The following SPOCK1 variants were observed in gnomAD, a reference collection of about 807,000 sequenced individuals.
The protein encoded by SPOCK1 is SPARC (osteonectin), cwcv and kazal like domains proteoglycan 1.
A neutral mutation model predicts 55.3 loss-of-function variants in SPOCK1; 23 were observed. The ratio of observed to expected loss-of-function variants is 0.42; its 90% confidence interval spans 0.30 to 0.59. The LOEUF is 0.59. Among genes scored for constraint, SPOCK1 ranks in the 20% least tolerant of loss-of-function variants. The probability of loss-of-function intolerance (pLI) is 0.22; values close to 1 mark genes in which losing one functional copy is unlikely to be tolerated. For missense variants in SPOCK1, 499 were observed against 552.5 expected (o/e 0.90, Z 0.97); for synonymous variants, 226 against 221.0 (o/e 1.02, Z -0.20).
intron 3 of SPOCK1, among the ~76,000 whole-genome samples, chr5:137,150,244 A>G (rs1208204905): frequency 1.3e-5 from 2 of 152,148 alleles, no homozygotes; most frequent in East Asian, 3.9e-4. Context: ...CTGACTAACC[A>G]CATCCACACC....
At chr5:137,493,994 G>A (rs1754245632) in intron 2 of SPOCK1, among the ~76,000 whole-genome samples, 1 of 152,148 alleles carries the variant, frequency 6.6e-6, no homozygotes, top group Non-Finnish European at 1.5e-5. Context: ...ACAGAAGTTG[G>A]TCCTTGTGCT....
intron 4 of SPOCK1, among the ~76,000 whole-genome samples, chr5:137,130,149 G>A (rs1419434310): frequency 1.3e-5 from 2 of 152,140 alleles, no homozygotes; most frequent in African/African-American, 2.4e-5. Context: ...CCTTTACAAA[G>A]GTGGTTTTAC....
intron 5 of SPOCK1, among the ~76,000 whole-genome samples, chr5:137,076,522 G>A (rs1752764389): frequency 2.0e-5 from 3 of 150,370 alleles, no homozygotes; most frequent in African/African-American, 7.4e-5. Flanking sequence ...TTAGTCTACA[G>A]TGGGGCAAAA....
intron 3 of SPOCK1, among the ~76,000 whole-genome samples, chr5:137,212,098 G>A (rs1220322851): frequency 3.9e-5 from 6 of 152,166 alleles, no homozygotes; most frequent in Non-Finnish European, 2.9e-5. Context: ...ACTGGCATCC[G>A]AAGGGGGGTC....
intron 2 of SPOCK1, among the ~76,000 whole-genome samples, chr5:137,327,521 G>A (rs1758101022): frequency 6.6e-6 from 1 of 152,202 alleles, no homozygotes; most frequent in Admixed American, 6.5e-5. Context: ...TGAGATACCA[G>A]TGGTTGAGAC....
chr5:137,161,323 C>T (rs761770280), intron 3 of SPOCK1, among the ~76,000 whole-genome samples: 11 of 151,552 alleles, frequency 7.3e-5, no homozygotes, highest in Non-Finnish European at 1.0e-4. Flanking sequence ...GGATATGGGG[C>T]ATGGAACATG....
chr5:137,465,634 C>T (rs1028589100), intron 2 of SPOCK1, among the ~76,000 whole-genome samples: 1 of 151,902 alleles, frequency 6.6e-6, no homozygotes, highest in Non-Finnish European at 1.5e-5. Flanking sequence ...ATTTCATATC[C>T]AACACTTATT....
chr5:137,084,014 T>A (rs1431632511), intron 5 of SPOCK1, among the ~76,000 whole-genome samples: 4 of 152,040 alleles, frequency 2.6e-5, no homozygotes, highest in Admixed American at 6.5e-5. Context: ...AGTTTTTACA[T>A]CTGTAAAATG....
chr5:137,125,895 G>T (rs1753774387), intron 4 of SPOCK1, among the ~76,000 whole-genome samples: 1 of 152,186 alleles, frequency 6.6e-6, no homozygotes, highest in African/African-American at 2.4e-5. Context: ...GGCTATTCTG[G>T]TGAGCACCCA....
chr5:137,182,924 G>A (rs1277614234), intron 3 of SPOCK1, among the ~76,000 whole-genome samples: 1 of 152,150 alleles, frequency 6.6e-6, no homozygotes, highest in African/African-American at 2.4e-5. Flanking sequence ...AGCGTGGATG[G>A]GTTAGTGCAG....
intron 3 of SPOCK1, among the ~76,000 whole-genome samples, chr5:137,207,494 C>T (rs898567187): frequency 3.9e-5 from 6 of 152,182 alleles, no homozygotes; most frequent in Admixed American, 1.3e-4. Flanking sequence ...GCAACACTGC[C>T]CTGGGTTTCC....
At chr5:137,169,912 T>C (rs978240921) in intron 3 of SPOCK1, among the ~76,000 whole-genome samples, 4 of 152,224 alleles carry the variant, frequency 2.6e-5, no homozygotes, top group African/African-American at 9.6e-5. Context: ...GTAGCATTCA[T>C]TTCTGGCAGA....
intron 3 of SPOCK1, among the ~76,000 whole-genome samples, chr5:137,232,111 G>T (rs1467494566): frequency 1.3e-5 from 2 of 152,148 alleles, no homozygotes; most frequent in African/African-American, 2.4e-5. Flanking sequence ...CCACCTGTAA[G>T]ATATGTGATT....
At chr5:137,210,142 TGAG>T (rs1273135368) in intron 3 of SPOCK1, among the ~76,000 whole-genome samples, 1 of 152,198 alleles carries the variant, frequency 6.6e-6, no homozygotes, top group Non-Finnish European at 1.5e-5. Flanking sequence ...AGCAAAGTGA[TGAG>T]GAGATGTCAG....
chr5:137,339,357 A>C (rs1170080278), intron 2 of SPOCK1, among the ~76,000 whole-genome samples: 1 of 152,262 alleles, frequency 6.6e-6, no homozygotes, highest in African/African-American at 2.4e-5. Flanking sequence ...TTCCTTGGAC[A>C]GGGAAATGTA....
At chr5:137,343,740 A>T (rs1750491126) in intron 2 of SPOCK1, among the ~76,000 whole-genome samples, 1 of 152,192 alleles carries the variant, frequency 6.6e-6, no homozygotes, top group Non-Finnish European at 1.5e-5. Context: ...ATCCTGCAAC[A>T]TGTTCCCTGG....
chr5:137,129,149 C>T (rs991929470), intron 4 of SPOCK1, among the ~76,000 whole-genome samples: 1 of 152,210 alleles, frequency 6.6e-6, no homozygotes, highest in South Asian at 2.1e-4. Flanking sequence ...TCTAGCCCTG[C>T]CTTTCTTTCC....
chr5:137,272,289 G>A (rs1756978743), intron 2 of SPOCK1, among the ~76,000 whole-genome samples: 1 of 152,162 alleles, frequency 6.6e-6, no homozygotes, highest in South Asian at 2.1e-4. Flanking sequence ...AAGAAGATCT[G>A]GTTGGTGGGT....
chr5:137,052,737 ATAAT>A (rs1752229093), intron 6 of SPOCK1, among the ~76,000 whole-genome samples: 1 of 152,230 alleles, frequency 6.6e-6, no homozygotes, highest in African/African-American at 2.4e-5. Context: ...ATATGGGAAT[ATAAT>A]TAAGTATTAT....
Sources: allele counts gnomAD v4.1 joint callset (sites outside exome capture counted in the v4.1 genomes callset), GRCh38; gene constraint gnomAD v4.1.1; transcripts MANE v1.5; gene names NCBI Gene and HGNC (gene_info 2026-07-23, HGNC 2026-07-21).